DYRK1A: variants seen among roughly 807,000 people sequenced by gnomAD.
The protein encoded by DYRK1A is dual specificity tyrosine-phosphorylation-regulated kinase 1A.
In DYRK1A, 9 loss-of-function variants were observed where a neutral mutation model predicts 79.7. That is an observed-to-expected ratio of 0.11 (90% CI 0.07 to 0.20). The LOEUF (loss-of-function observed/expected upper bound fraction) is 0.20, where lower values mean the gene tolerates loss of function less well. DYRK1A is among the 10% of genes least tolerant of loss of function. The pLI, the probability that DYRK1A is intolerant of heterozygous loss-of-function variation, is 1.00. For missense variants in DYRK1A, 622 were observed against 956.0 expected (o/e 0.65, Z 4.61); for synonymous variants, 349 against 329.7 (o/e 1.06, Z -0.63).
At chr21:37,413,875 C>T (rs2050287337) in intron 1 of DYRK1A, among the ~76,000 whole-genome samples, 1 of 152,012 alleles carries the variant, frequency 6.6e-6, no homozygotes, top group African/African-American at 2.4e-5. Context: ...TTCTTCATAC[C>T]ACTTTGCTCT....
intron 2 of DYRK1A, among the ~76,000 whole-genome samples, chr21:37,453,909 C>T (rs2148508569): frequency 6.6e-6 from 1 of 152,060 alleles, no homozygotes; most frequent in South Asian, 2.1e-4. Context: ...ACTTTCTATA[C>T]TAAAAATTGA....
chr21:37,464,922 G>A (rs181171519), intron 2 of DYRK1A, among the ~76,000 whole-genome samples: 12 of 152,248 alleles, frequency 7.9e-5, no homozygotes, highest in African/African-American at 2.6e-4. Context: ...CTAGAAATAC[G>A]CATATTAGTT....
Position 37,480,370 on chromosome 21 carries a change from A to G in DYRK1A, c.301-268A>G, listed in dbSNP as rs563539454. Among the ~76,000 whole-genome samples the G allele has an allele frequency of 5.3e-5, 8 of 152,290 alleles. No homozygotes were observed. The South Asian group carries it at 1.0e-3, about 20-fold the overall frequency. ...CTCACTGTATATAAATTATACTTCA[A>G]TTTAACAAATAAATATAAACCAGGT... On this transcript the variant is annotated intron_variant, in intron 4 of 11. Transcript: ENST00000647188.
At chr21:37,371,789 TG>T (rs543111249) in intron 1 of DYRK1A, among the ~76,000 whole-genome samples, 1 of 151,726 alleles carries the variant, frequency 6.6e-6, no homozygotes, top group African/African-American at 2.4e-5. Flanking sequence ...AATTGATTTT[TG>T]GGGGGGGCCC....
intron 2 of DYRK1A, among the ~76,000 whole-genome samples, chr21:37,427,730 T>A (rs139407161): frequency 1.3e-5 from 2 of 152,208 alleles, no homozygotes; most frequent in Non-Finnish European, 2.9e-5. Flanking sequence ...AGTTTATGCT[T>A]CTACCAGCTG....
chr21:37,418,446 C>G (rs569344688), intron 1 of DYRK1A, among the ~76,000 whole-genome samples: 1 of 152,262 alleles, frequency 6.6e-6, no homozygotes, highest in Admixed American at 6.5e-5. Context: ...ATAATTGATT[C>G]TACTGTCTTA....
At chr21:37,382,298 TC>T (rs2049673788) in intron 1 of DYRK1A, among the ~76,000 whole-genome samples, 1 of 151,860 alleles carries the variant, frequency 6.6e-6, no homozygotes, top group Non-Finnish European at 1.5e-5. Context: ...TGGTCCAAAC[TC>T]CTGGGCTCAA....
At chr21:37,509,461 T>G (rs2053691742) in intron 11 of DYRK1A, among the ~76,000 whole-genome samples, 1 of 152,228 alleles carries the variant, frequency 6.6e-6, no homozygotes, top group East Asian at 1.9e-4. Context: ...TAAATTTATT[T>G]TTAGAGCTAG....
At position 37,495,105 on chromosome 21, in the gene DYRK1A, TAAA is replaced by T. The variant is rs202007746; in HGVS notation, c.1072-1009_1072-1007del. Among the ~76,000 whole-genome samples, 1,046 of 151,770 alleles carry T rather than the reference TAAA, an allele frequency of 6.9e-3. 12 individuals carry two copies. Among genetic ancestry groups the T allele is most frequent in the African/African-American group, 0.024 (1,003 of 41,316 alleles). On this transcript the variant is annotated intron_variant, in intron 8 of 11. Transcript: ENST00000647188. ...AATAGGCACACTCATTTAAAGTACT[TAAA>T]AAAGTACTTTATTAGGTCCATACTT...
intron 2 of DYRK1A, among the ~76,000 whole-genome samples, chr21:37,462,626 T>TG (rs1164062616): frequency 2.0e-5 from 3 of 152,216 alleles, no homozygotes; most frequent in African/African-American, 7.2e-5. Flanking sequence ...GAGAACCCTA[T>TG]GTACGGATTG....
rs560255225 is a variant in DYRK1A, at chr21:37,432,126, T to C, written c.10+11742T>C. 2.6e-5 allele frequency among the ~76,000 whole-genome samples: 4 copies of C among 152,288 alleles called. No homozygotes were observed. The East Asian group carries it at 5.8e-4, about 22-fold the overall frequency. On this transcript the variant is annotated intron_variant, in intron 2 of 11. Coordinates refer to ENST00000647188, the MANE Select transcript of DYRK1A (RefSeq NM_001347721.2). The stretch of plus-strand genomic sequence containing the variant: ...ATACCTAAATGAGGGAGCAAAAGTA[T>C]ATTTAGTATATGACAGTATACTGTC...
intron 2 of DYRK1A, among the ~76,000 whole-genome samples, chr21:37,454,310 C>T (rs935825024): frequency 6.6e-6 from 1 of 151,966 alleles, no homozygotes; most frequent in Non-Finnish European, 1.5e-5. Flanking sequence ...TCAGGTTGGT[C>T]TTTTAACTCC....
intron 1 of DYRK1A, among the ~76,000 whole-genome samples, chr21:37,373,722 AC>A (rs2049480014): frequency 6.6e-6 from 1 of 152,180 alleles, no homozygotes; most frequent in Non-Finnish European, 1.5e-5. Flanking sequence ...TTTTCTTCAT[AC>A]CCTATTGGTC....
intron 1 of DYRK1A, among the ~76,000 whole-genome samples, chr21:37,408,340 A>G (rs983465364): frequency 1.3e-5 from 2 of 152,230 alleles, no homozygotes; most frequent in East Asian, 3.8e-4. Flanking sequence ...AAGAAACTGA[A>G]AACATATACA....
intron 2 of DYRK1A, among the ~76,000 whole-genome samples, chr21:37,457,528 C>T (rs767836624): frequency 1.3e-5 from 2 of 152,144 alleles, no homozygotes; most frequent in African/African-American, 2.4e-5. Flanking sequence ...TGTGCCACCG[C>T]GGCTGGCCTT....
intron 2 of DYRK1A, chr21:37,428,963 C>T (rs1351642845): frequency 6.6e-6 from 1 of 152,188 alleles, no homozygotes; most frequent in Non-Finnish European, 1.5e-5. Context: ...ACTCTTTCTC[C>T]TCTTCTCTCT....
chr21:37,430,900 A>T (rs1471604098), intron 2 of DYRK1A, among the ~76,000 whole-genome samples: 2 of 152,154 alleles, frequency 1.3e-5, no homozygotes, highest in Non-Finnish European at 2.9e-5. Context: ...ATAGTTGTTT[A>T]GTATCAAGCC....
chr21:37,460,588 G>A (rs1486216716), intron 2 of DYRK1A, among the ~76,000 whole-genome samples: 2 of 152,240 alleles, frequency 1.3e-5, no homozygotes, highest in East Asian at 3.9e-4. Flanking sequence ...GCGTGTCTTT[G>A]TTTACCTGTC....
chr21:37,398,777 T>C (rs1434467931), intron 1 of DYRK1A, among the ~76,000 whole-genome samples: 1 of 152,210 alleles, frequency 6.6e-6, no homozygotes, highest in East Asian at 1.9e-4. Context: ...AATCATTTTC[T>C]TTTTATGAAT....
Sources: allele counts gnomAD v4.1 joint callset (sites outside exome capture counted in the v4.1 genomes callset), GRCh38; gene constraint gnomAD v4.1.1; transcripts MANE v1.5; gene names NCBI Gene and HGNC (gene_info 2026-07-23, HGNC 2026-07-21).